The following ZBTB20 variants were observed in gnomAD, a reference collection of about 807,000 sequenced individuals.
ZBTB20 encodes zinc finger and BTB domain-containing protein 20.
In ZBTB20, 9 loss-of-function variants were observed where a neutral mutation model predicts 56.9. The observed-to-expected ratio is 0.16, with a 90% CI of 0.10 to 0.28. The LOEUF (loss-of-function observed/expected upper bound fraction) is 0.28. Ranked by LOEUF, ZBTB20 falls within the 10% of genes least tolerant of loss-of-function variation. ZBTB20 has a pLI of 1.00. For synonymous variants in ZBTB20, 417 were observed against 420.7 expected, an observed-to-expected ratio of 0.99 and a Z score of 0.11; for missense variants, 655 against 1,003.0, an observed-to-expected ratio of 0.65 and a Z score of 4.69.
intron 3 of ZBTB20, among the ~76,000 whole-genome samples, chr3:114,969,468 T>C (rs1576453155): frequency 6.6e-6 from 1 of 152,086 alleles, no homozygotes; most frequent in Non-Finnish European, 1.5e-5. Flanking sequence ...ATGAAAGGGA[T>C]ACAAAATATA....
At chr3:114,496,571 T>C (rs191976350) in intron 7 of ZBTB20, among the ~76,000 whole-genome samples, 1 of 152,248 alleles carries the variant, frequency 6.6e-6, no homozygotes, top group Admixed American at 6.5e-5. Context: ...TATCCTCCCA[T>C]TTGCAAAAGA....
At chr3:114,994,365 G>A (rs916543324) in intron 2 of ZBTB20, among the ~76,000 whole-genome samples, 2 of 151,804 alleles carry the variant, frequency 1.3e-5, no homozygotes, top group Non-Finnish European at 2.9e-5. Context: ...AGCCTTTAAG[G>A]AATGGATAAT....
At chr3:114,937,804 G>A (rs2076592424) in intron 3 of ZBTB20, among the ~76,000 whole-genome samples, 1 of 151,688 alleles carries the variant, frequency 6.6e-6, no homozygotes, top group South Asian at 2.1e-4. Flanking sequence ...TTGTAAATTT[G>A]TTTAAGTTCC....
chr3:115,098,645 T>A lies in ZBTB20; in HGVS notation c.-702-27231A>T, dbSNP rs1346801397. 2.6e-5 allele frequency among the ~76,000 whole-genome samples: 4 copies of A among 152,286 alleles called. No homozygotes were observed. In the East Asian group the frequency reaches 7.7e-4, roughly 29 times the overall value. ...AAATTGAAAGTCTCAGAATTAATTT[T>A]TTAAAAGAAGAGGTAAAAAAGTCTT... On this transcript the variant is annotated intron_variant, in intron 1 of 11. Coordinates refer to ENST00000675478, the MANE Select transcript of ZBTB20 (RefSeq NM_001348800.3).
At chr3:114,556,822 G>A (rs912915975) in intron 6 of ZBTB20, among the ~76,000 whole-genome samples, 2 of 152,046 alleles carry the variant, frequency 1.3e-5, no homozygotes, top group African/African-American at 2.4e-5. Context: ...TAAAATTAAT[G>A]AGATAATGAA....
At position 114,748,352 on chromosome 3, in the gene ZBTB20, T is replaced by TTCTCTCTCTCTCTCTCTCTCTCTCTCTC. The variant is rs71146332; in HGVS notation, c.-343+52748_-343+52749insGAGAGAGAGAGAGAGAGAGAGAGAGAGA. On this transcript the variant is annotated intron_variant, in intron 5 of 11. Transcript: ENST00000675478. ...TTTCTTTCTTCTTTCTTTCTTTCTT[T>TTCTCTCTCTCTCTCTCTCTCTCTCTCTC]TCTCTCTCTCTCTCTCTCTCTCTCT... 7.2e-4 allele frequency among the ~76,000 whole-genome samples: 35 copies of TTCTCTCTCTCTCTCTCTCTCTCTCTCTC among 48,642 alleles called. 1 individual carries two copies. Among genetic ancestry groups the TTCTCTCTCTCTCTCTCTCTCTCTCTCTC allele is most frequent in the East Asian group, 3.0e-3 (4 of 1,318 alleles). 31.9% of individuals were successfully genotyped at this position (48,642 alleles called of 152,430 possible).
At chr3:115,025,611 T>G (rs2080392158) in intron 2 of ZBTB20, among the ~76,000 whole-genome samples, 1 of 150,804 alleles carries the variant, frequency 6.6e-6, no homozygotes, top group South Asian at 2.1e-4. Context: ...AAAATAAAAA[T>G]TATACAAATT....
At chr3:114,643,544 T>C (rs1297066696) in intron 6 of ZBTB20, among the ~76,000 whole-genome samples, 1 of 152,118 alleles carries the variant, frequency 6.6e-6, no homozygotes, top group Admixed American at 6.5e-5. Context: ...GGAAAAGGAT[T>C]GTTTGTGTGG....
rs2080036661 is a variant in ZBTB20, at chr3:114,344,478, G to A, written c.1805-5052C>T. 3.9e-5 allele frequency among the ~76,000 whole-genome samples: 6 copies of A among 152,146 alleles called. No individual in the cohort carries two copies. The South Asian group carries it at 1.2e-3, about 32-fold the overall frequency. ...TGGATTATGCTGCAAAATGTATGAT[G>A]CTACTATAACACATATTAATGGCTT... On this transcript the variant is annotated intron_variant, in intron 11 of 11. Transcript: ENST00000675478.
At chr3:114,408,080 G>T (rs1264570052) in intron 7 of ZBTB20, among the ~76,000 whole-genome samples, 1 of 152,128 alleles carries the variant, frequency 6.6e-6, no homozygotes, top group East Asian at 1.9e-4. Context: ...GCTCATTCTA[G>T]TCGTCTGTCT....
chr3:115,104,200 C>A (rs1223352834), intron 1 of ZBTB20, among the ~76,000 whole-genome samples: 1 of 152,256 alleles, frequency 6.6e-6, no homozygotes, highest in South Asian at 2.1e-4. Context: ...CTGACAACAC[C>A]AAATGATGAT....
intron 2 of ZBTB20, among the ~76,000 whole-genome samples, chr3:115,041,323 C>A (rs1350227300): frequency 3.9e-5 from 6 of 152,122 alleles, no homozygotes; most frequent in Non-Finnish European, 7.4e-5. Flanking sequence ...AACTGAGGCT[C>A]ATGTAAATGT....
At chr3:114,697,178 T>C (rs2063091913) in intron 5 of ZBTB20, among the ~76,000 whole-genome samples, 1 of 151,712 alleles carries the variant, frequency 6.6e-6, no homozygotes, top group Admixed American at 6.6e-5. Context: ...ACTGGCTTTT[T>C]TACATAAATA....
At chr3:115,138,123 A>G (rs774821794) in intron 1 of ZBTB20, among the ~76,000 whole-genome samples, 4 of 151,820 alleles carry the variant, frequency 2.6e-5, no homozygotes, top group Admixed American at 6.6e-5. Flanking sequence ...AGTCTCCCTC[A>G]CCCCTATTTC....
chr3:114,708,272 A>G (rs2063837730), intron 5 of ZBTB20, among the ~76,000 whole-genome samples: 1 of 152,230 alleles, frequency 6.6e-6, no homozygotes, highest in Non-Finnish European at 1.5e-5. Flanking sequence ...CTGGTGGACC[A>G]GAAAGGACTC....
chr3:114,679,956 TA>T (rs1396369298), intron 6 of ZBTB20, among the ~76,000 whole-genome samples: 4 of 152,150 alleles, frequency 2.6e-5, no homozygotes, highest in Admixed American at 6.5e-5. Flanking sequence ...TATGCAGCCA[TA>T]AAAAAGGATG....
At chr3:114,787,041 C>A (rs2070547233) in intron 5 of ZBTB20, among the ~76,000 whole-genome samples, 1 of 151,970 alleles carries the variant, frequency 6.6e-6, no homozygotes, top group African/African-American at 2.4e-5. Flanking sequence ...AGTGCATGAT[C>A]ATGGTTCACT....
intron 1 of ZBTB20, among the ~76,000 whole-genome samples, chr3:115,145,449 A>G (rs1188629849): frequency 1.3e-5 from 2 of 152,192 alleles, no homozygotes; most frequent in Non-Finnish European, 2.9e-5. Flanking sequence ...CATTTAACCT[A>G]ATCACATTCT....
chr3:115,123,200 A>G (rs972889655), intron 1 of ZBTB20, among the ~76,000 whole-genome samples: 2 of 152,142 alleles, frequency 1.3e-5, no homozygotes, highest in African/African-American at 4.8e-5. Context: ...ACTCTCATTA[A>G]ACATTAGCAC....
Sources: gnomAD v4.1 joint callset for allele counts (sites outside exome capture counted in the v4.1 genomes callset) on GRCh38, gnomAD v4.1.1 for gene constraint, MANE v1.5 for transcripts, NCBI Gene and HGNC (gene_info 2026-07-23, HGNC 2026-07-21) for gene names.